Variants in CHL1 observed in about 807,000 individuals in gnomAD.
CHL1 encodes the protein cell adhesion molecule L1 like, also known as neural cell adhesion molecule L1-like protein.
A neutral mutation model predicts 141.9 loss-of-function variants in CHL1; 96 were observed. The observed-to-expected ratio is 0.68, with a 90% CI of 0.57 to 0.80. CHL1 has a LOEUF of 0.80. Among genes scored for constraint, CHL1 ranks in the 30% least tolerant of loss-of-function variants. The pLI, the probability that CHL1 is intolerant of heterozygous loss-of-function variation, is 0.00. For missense variants in CHL1, 1,820 were observed against 1,457.2 expected (o/e 1.25, Z -4.05); for synonymous variants, 613 against 502.2 (o/e 1.22, Z -2.95).
intron 2 of CHL1, among the ~76,000 whole-genome samples, chr3:273,002 A>G (rs1695776699): frequency 6.6e-6 from 1 of 152,208 alleles, no homozygotes; most frequent in African/African-American, 2.4e-5. Context: ...GGTTTAAACT[A>G]GATAATGAAA....
intron 2 of CHL1, among the ~76,000 whole-genome samples, chr3:317,339 G>T (rs919215524): frequency 2.6e-5 from 4 of 151,940 alleles, no homozygotes; most frequent in Admixed American, 2.6e-4. Context: ...TGAACTTACT[G>T]CCCTAAGTCA....
chr3:390,685 C>T lies in CHL1; in HGVS notation c.2471-16C>T, dbSNP rs924806875. 8 of 1,395,884 alleles carry T rather than the reference C, an allele frequency of 5.7e-6. No homozygotes were observed. In the Admixed American group the frequency reaches 6.8e-5, roughly 12 times the overall value. The allele number at this position is 1,395,884 out of a possible 1,614,324, so 86.5% of individuals were successfully genotyped here. ...TGCAGGTTATTGAAAACTAATCAAT[C>T]TTCTATGATTAACAGATCCTGATAC... is the stretch of plus-strand genomic sequence containing the variant. On this transcript the variant is annotated splice_polypyrimidine_tract_variant and intron_variant, in intron 20 of 27. Coordinates refer to ENST00000256509, the MANE Select transcript of CHL1 (RefSeq NM_006614.4).
At chr3:383,479 C>T (rs1707304290) in intron 18 of CHL1, among the ~76,000 whole-genome samples, 2 of 151,922 alleles carry the variant, frequency 1.3e-5, no homozygotes, top group African/African-American at 4.8e-5. Flanking sequence ...ATAGAGCAGG[C>T]TTAAATTAAA....
intron 20 of CHL1, among the ~76,000 whole-genome samples, chr3:389,845 G>A (rs1355696664): frequency 6.6e-6 from 1 of 152,136 alleles, no homozygotes; most frequent in East Asian, 1.9e-4. Context: ...AGAGCCACTT[G>A]CTCTCATGCC....
At chr3:264,381 T>G (rs1192783516) in intron 2 of CHL1, among the ~76,000 whole-genome samples, 11 of 152,018 alleles carry the variant, frequency 7.2e-5, no homozygotes, top group Admixed American at 7.2e-4. Context: ...GAGTATGTAG[T>G]TTTTTTTAAT....
chr3:332,420 G>C (rs778314967), intron 5 of CHL1, among the ~76,000 whole-genome samples: 6 of 152,128 alleles, frequency 3.9e-5, no homozygotes, highest in Non-Finnish European at 7.4e-5. Flanking sequence ...GAAAATGGAA[G>C]TGGGGGTTGA....
chr3:198,201 TG>T, intron 1 of CHL1: 1 of 172,146 alleles, frequency 5.8e-6, no homozygotes, highest in Non-Finnish European at 1.2e-5. Flanking sequence ...GGAGGGCAGG[TG>T]TGCGTCGGCA....
intron 2 of CHL1, among the ~76,000 whole-genome samples, chr3:306,958 G>A (rs181370051): frequency 2.0e-5 from 3 of 152,224 alleles, no homozygotes; most frequent in Non-Finnish European, 2.9e-5. Context: ...GTTGGAATTC[G>A]TACTTTAAAT....
chr3:242,436 A>G (rs1357396454), intron 1 of CHL1, among the ~76,000 whole-genome samples: 5 of 135,654 alleles, frequency 3.7e-5, no homozygotes, highest in Non-Finnish European at 6.4e-5. Context: ...CTCTACTAAA[A>G]ATACAAAAAA....
intron 1 of CHL1, among the ~76,000 whole-genome samples, chr3:203,529 C>G (rs559725035): frequency 6.6e-6 from 1 of 152,204 alleles, no homozygotes; most frequent in Non-Finnish European, 1.5e-5. Context: ...ACCTTAAAGA[C>G]GGGCCCACAT....
intron 1 of CHL1, among the ~76,000 whole-genome samples, chr3:225,183 T>C (rs979703831): frequency 3.9e-5 from 6 of 152,224 alleles, no homozygotes; most frequent in African/African-American, 1.4e-4. Context: ...TAGAAGATTA[T>C]GTTAATGAAT....
rs773821807 is a variant in CHL1, at chr3:394,807, G to C, written c.3029G>C (p.Arg1010Thr). 4 of 1,613,914 alleles carry C rather than the reference G, an allele frequency of 2.5e-6. No individual in the cohort carries two copies. In the African/African-American group the frequency reaches 5.3e-5, roughly 22 times the overall value. The change falls in exon 24 of 28, where the codon AGG becomes ACG. Residue 1010 changes from arginine to threonine, a missense_variant. By Grantham distance (71) the Arg-to-Thr change is moderately conservative (BLOSUM62 -1). Transcript: ENST00000256509. ...ACTACCAAGTACAAATTCTACTTGAGGGCTTGCACTTCACAGGGCTGTGGA... is the reference window on the plus strand; with the variant it reads ...ACTACCAAGTACAAATTCTACTTGACGGCTTGCACTTCACAGGGCTGTGGA... ...NATTKYKFYL[R>T]ACTSQGCGKP...
At chr3:327,784 C>A (rs1701125444) in intron 4 of CHL1, among the ~76,000 whole-genome samples, 2 of 151,820 alleles carry the variant, frequency 1.3e-5, no homozygotes. Flanking sequence ...TGTAATAATA[C>A]TGGGCTTATC....
chr3:370,338 T>G (rs1193115431), intron 15 of CHL1, among the ~76,000 whole-genome samples: 2 of 152,196 alleles, frequency 1.3e-5, no homozygotes, highest in Admixed American at 6.5e-5. Context: ...GGTGTATGTG[T>G]CCAAGAATAT....
intron 4 of CHL1, among the ~76,000 whole-genome samples, chr3:327,407 G>C (rs1490738554): frequency 8.1e-6 from 1 of 123,266 alleles, no homozygotes; most frequent in African/African-American, 2.6e-5. Context: ...ACTGGGGTGG[G>C]AATTTAACTG....
At chr3:269,712 A>G (rs947679822) in intron 2 of CHL1, among the ~76,000 whole-genome samples, 2 of 152,110 alleles carry the variant, frequency 1.3e-5, no homozygotes, top group Admixed American at 1.3e-4. Context: ...TTTAGTAGAG[A>G]TGGGGTTTCA....
chr3:369,405 A>G (rs538114103), intron 15 of CHL1, among the ~76,000 whole-genome samples: 6 of 152,032 alleles, frequency 3.9e-5, no homozygotes, highest in South Asian at 2.1e-4. Context: ...CTGCTGGTCT[A>G]TTGCTGGTGT....
intron 1 of CHL1, among the ~76,000 whole-genome samples, chr3:212,330 C>T (rs1699966230): frequency 6.6e-6 from 1 of 152,074 alleles, no homozygotes. Flanking sequence ...ACCAGTCTTG[C>T]TTTAGCCATT....
chr3:312,885 G>A (rs1256752591), intron 2 of CHL1, among the ~76,000 whole-genome samples: 1 of 152,168 alleles, frequency 6.6e-6, no homozygotes, highest in Non-Finnish European at 1.5e-5. Flanking sequence ...GGATGCCAGT[G>A]TCATAAAATA....
Sources: allele counts gnomAD v4.1 joint callset (sites outside exome capture counted in the v4.1 genomes callset), GRCh38; gene constraint gnomAD v4.1.1; transcripts MANE v1.5; gene names NCBI Gene and HGNC (gene_info 2026-07-23, HGNC 2026-07-21).